CEP78: variants seen among roughly 807,000 people sequenced by gnomAD.
CEP78 encodes centrosomal protein 78, also known as centrosomal protein of 78 kDa.
Under a neutral mutation model 81.2 loss-of-function variants are expected in CEP78, and 76 were observed. The ratio of observed to expected loss-of-function variants is 0.94; its 90% CI spans 0.78 to 1.13. The LOEUF (loss-of-function observed/expected upper bound fraction) is 1.13, where lower values mean the gene tolerates loss of function less well. CEP78 is among the 50% of genes most tolerant of loss of function. The pLI, the probability that CEP78 is intolerant of heterozygous loss-of-function variation, is 0.00. For missense variants in CEP78, 918 were observed against 846.8 expected, an observed-to-expected ratio of 1.08 and a Z score of -1.04; for synonymous variants, 293 against 301.4, an observed-to-expected ratio of 0.97 and a Z score of 0.29.
chr9:78,265,587 C>CA (rs35129127), intron 14 of CEP78, 44 bp downstream of exon 14: 2 of 1,476,506 alleles, frequency 1.4e-6, no homozygotes. Flanking sequence ...AAGTGATTAG[C>CA]AAAAAAGGGA....
At position 78,277,042 on chromosome 9, in the gene CEP78, A is replaced by G. The variant is rs1326641650; in HGVS notation, c.*6191A>G. On this transcript the variant is annotated 3_prime_UTR_variant, in exon 17 of 17. Coordinates refer to ENST00000643273, the MANE Select transcript of CEP78 (RefSeq NM_001330691.3). ...CGAGAACCTAGGAACAGAGCAATGT[A>G]TATATATATGTATTTAAAAAATGGC... 2 of 152,092 alleles carry G rather than the reference A, an allele frequency of 1.3e-5. No individual in the cohort carries two copies. Among genetic ancestry groups the G allele is most frequent in the East Asian group, 3.8e-4 (2 of 5,200 alleles). 9.4% of individuals were successfully genotyped at this position (152,092 alleles called of 1,614,324 possible). A position where few individuals can be genotyped will look rare whatever the true frequency, so the allele number is the denominator to read the frequency against.
chr9:78,249,582 A>G (rs1177217123), intron 8 of CEP78: 2 of 152,122 alleles, frequency 1.3e-5, no homozygotes, highest in African/African-American at 4.8e-5. Context: ...TTTATCAGCT[A>G]ATGGCATAAA....
intron 1 of CEP78, among the ~76,000 whole-genome samples, chr9:78,237,999 C>G (rs1826042286): frequency 6.7e-6 from 1 of 148,900 alleles, no homozygotes; most frequent in Admixed American, 6.7e-5. Context: ...GTGGCGGGCA[C>G]CTGTAATCCC....
intron 11 of CEP78, among the ~76,000 whole-genome samples, chr9:78,261,884 A>C (rs1010485329): frequency 6.6e-6 from 1 of 152,172 alleles, no homozygotes; most frequent in African/African-American, 2.4e-5. Context: ...TTATTAGGGC[A>C]TTTACTGATT....
chr9:78,239,275 C>T (rs1032766461), intron 1 of CEP78, among the ~76,000 whole-genome samples: 6 of 152,072 alleles, frequency 3.9e-5, no homozygotes, highest in South Asian at 2.1e-4. Flanking sequence ...GTTTTGCTGC[C>T]GTTGAGCTTG....
intron 6 of CEP78, among the ~76,000 whole-genome samples, chr9:78,247,376 T>C (rs1045867690): frequency 6.6e-6 from 1 of 152,132 alleles, no homozygotes; most frequent in Non-Finnish European, 1.5e-5. Flanking sequence ...AAGATGCAGA[T>C]AAAGTACCTT....
chr9:78,250,410 A>G, intron 8 of CEP78: 3 of 390,920 alleles, frequency 7.7e-6, no homozygotes. Flanking sequence ...TTTTTCATCT[A>G]ACAAGATAAG....
At chr9:78,253,590 T>C (rs1748052482) in intron 10 of CEP78, 2 of 253,834 alleles carry the variant, frequency 7.9e-6, no homozygotes, top group Middle Eastern at 1.4e-3. Context: ...TAGTCAAGAA[T>C]GTCCTTAAGT....
chr9:78,241,640 G>T, intron 3 of CEP78, 56 bp from the exon 4 acceptor site: 4 of 767,472 alleles, frequency 5.2e-6, no homozygotes, highest in East Asian at 5.0e-5. Context: ...AATCAAGACT[G>T]ACTAGGTTGT....
Position 78,277,115 on chromosome 9 carries a change from G to C in CEP78, c.*6264G>C, listed in dbSNP as rs1011514646. The C allele has an allele frequency of 2.6e-5, 4 of 151,950 alleles. No individual in the cohort carries two copies. Among genetic ancestry groups the C allele is most frequent in the Admixed American group, 2.0e-4 (3 of 15,258 alleles). The allele number at this position is 151,950 out of a possible 1,614,324, so 9.4% of individuals were successfully genotyped here. A position where few individuals can be genotyped will look rare whatever the true frequency, so the allele number is the denominator to read the frequency against. The stretch of plus-strand genomic sequence containing the variant: ...TTTGAACTATTCAGTAAATGATGTT[G>C]AGGTTATTTACTACTTTTTCTTATT... On this transcript the variant is annotated 3_prime_UTR_variant, in exon 17 of 17. Coordinates refer to ENST00000643273, the MANE Select transcript of CEP78 (RefSeq NM_001330691.3).
At chr9:78,254,369 C>G (rs1826911025) in intron 10 of CEP78, 1 of 152,498 alleles carries the variant, frequency 6.6e-6, no homozygotes, top group Non-Finnish European at 1.5e-5. Flanking sequence ...TTATTATTCA[C>G]AATTTAAATT....
chr9:78,264,075 A>T, intron 12 of CEP78, 75 bp from the exon 13 acceptor site: 1 of 1,055,310 alleles, frequency 9.5e-7, no homozygotes. Flanking sequence ...AAAATGTTTT[A>T]TTTTAGTTTC....
chr9:78,255,255 CAAA>C (rs1826965645), intron 11 of CEP78, among the ~76,000 whole-genome samples: 11 of 152,040 alleles, frequency 7.2e-5, no homozygotes, highest in Admixed American at 7.2e-4. Flanking sequence ...AAGATAAACT[CAAA>C]GAAATTAAGC....
In CEP78 at chr9:78,275,324, G is replaced by A. The variant is rs1201210633; in HGVS notation, c.*4473G>A. 2 of 152,174 alleles carry A rather than the reference G, an allele frequency of 1.3e-5. No individual in the cohort carries two copies. Among genetic ancestry groups the A allele is most frequent in the Non-Finnish European group, 2.9e-5 (2 of 68,024 alleles). The allele number at this position is 152,174 out of a possible 1,614,324, so 9.4% of individuals were successfully genotyped here. ...GACAAGAACTTATTTTTAAAAAGAG[G>A]CCAGGTGCGGTGGCCCATGCCTGTA... On this transcript the variant is annotated 3_prime_UTR_variant, in exon 17 of 17. Transcript: ENST00000643273.
Position 78,265,887 on chromosome 9 carries a change from A to G in CEP78, c.1826A>G (p.Asn609Ser), listed in dbSNP as rs767813201. The change falls in exon 15 of 17, where the codon AAT becomes AGT. Residue 609 changes from asparagine (N) to serine (S), a missense_variant. By Grantham distance (46) the Asn-to-Ser change is conservative (BLOSUM62 1). Coordinates refer to ENST00000643273, the MANE Select transcript of CEP78 (RefSeq NM_001330691.3). ...TCTATTTGTATGCAGTCAGCTTACAATGAAGGAACACTAATGAAGGTACAA... is the reference window on the plus strand; with the variant it reads ...TCTATTTGTATGCAGTCAGCTTACAGTGAAGGAACACTAATGAAGGTACAA... ...QVSICMQSAY[N>S]EGTLMKFQKI... 1.4e-6 allele frequency: 2 copies of G among 1,392,284 alleles called. No individual in the cohort carries two copies. Among genetic ancestry groups the G allele is most frequent in the South Asian group, 1.2e-5 (1 of 80,756 alleles). 86.2% of individuals were successfully genotyped at this position (1,392,284 alleles called of 1,614,324 possible). A position where few individuals can be genotyped will look rare whatever the true frequency, so the allele number is the denominator to read the frequency against.
intron 1 of CEP78, among the ~76,000 whole-genome samples, chr9:78,237,530 G>T (rs1826013432): frequency 6.6e-6 from 1 of 152,132 alleles, no homozygotes; most frequent in African/African-American, 2.4e-5. Flanking sequence ...CAAAAGTTTT[G>T]GAAATAGGAG....
Position 78,271,338 on chromosome 9 carries a change from T to G in CEP78, c.*487T>G, listed in dbSNP as rs1827683648. ...TCAAATTTGAAGAAAACCAGTAACA[T>G]AAAAGGAGGCATGAAATTAAAATTA... On this transcript the variant is annotated 3_prime_UTR_variant, in exon 17 of 17. Transcript: ENST00000643273. 6.6e-6 allele frequency: 1 copy of G among 152,098 alleles called. No individual in the cohort carries two copies. The highest frequency in any genetic ancestry group is 2.1e-4 in the South Asian group (1 of 4,816). The allele number at this position is 152,098 out of a possible 1,614,324, so 9.4% of individuals were successfully genotyped here. A position where few individuals can be genotyped will look rare whatever the true frequency, so the allele number is the denominator to read the frequency against.
intron 4 of CEP78, among the ~76,000 whole-genome samples, chr9:78,242,325 C>G (rs1450344014): frequency 6.6e-6 from 1 of 152,136 alleles, no homozygotes; most frequent in African/African-American, 2.4e-5. Context: ...ACCCACAAAG[C>G]TGAAAATGTT....
rs759754640 is a variant in CEP78 at position 78,240,305 on chromosome 9, C to T, written c.440C>T (p.Ser147Leu). Reference sequence around the variant, plus strand: ...CCCTCATTAAAGGGATTGAATAAATCGGCTTCTTTGGTGCACCTGTCTCTT... The same window carrying T: ...CCCTCATTAAAGGGATTGAATAAATTGGCTTCTTTGGTGCACCTGTCTCTT... The part of the protein sequence containing the change: ...LTILAKGLNK[S>L]ASLVHLSLAN... Residue 147 changes from serine (S) to leucine (L), a missense_variant, in exon 3 of 17, where the codon TCG (serine) becomes TTG (leucine). By Grantham distance (145) the Ser-to-Leu change is moderately radical (BLOSUM62 -2). Coordinates refer to ENST00000643273, the MANE Select transcript of CEP78 (RefSeq NM_001330691.3). 12 of 1,601,018 alleles carry T rather than the reference C, an allele frequency of 7.5e-6. No individual in the cohort carries two copies. Among genetic ancestry groups the T allele is most frequent in the African/African-American group, 1.3e-5 (1 of 74,782 alleles).
Sources: allele counts gnomAD v4.1 joint callset (sites outside exome capture counted in the v4.1 genomes callset), GRCh38; gene constraint gnomAD v4.1.1; transcripts MANE v1.5; gene names NCBI Gene and HGNC (gene_info 2026-07-23, HGNC 2026-07-21).